Variants in MAML2 observed in about 807,000 individuals in gnomAD.
MAML2 encodes the protein mastermind-like protein 2.
In MAML2, 22 loss-of-function variants were observed where a neutral mutation model predicts 96.1. The ratio of observed to expected loss-of-function variants is 0.23; its 90% CI spans 0.16 to 0.33. The LOEUF (loss-of-function observed/expected upper bound fraction) is 0.33. MAML2 is among the 10% of genes least tolerant of loss of function. MAML2 has a pLI of 1.00. For synonymous variants in MAML2, 561 were observed against 521.3 expected (o/e 1.08, Z -1.04); for missense variants, 1,367 against 1,392.4 (o/e 0.98, Z 0.29).
chr11:96,135,896 T>A (rs1279381647), intron 1 of MAML2, among the ~76,000 whole-genome samples: 1 of 151,774 alleles, frequency 6.6e-6, no homozygotes, highest in Non-Finnish European at 1.5e-5. Flanking sequence ...TGAAATTAAC[T>A]GTGGACTCCT....
chr11:96,313,510 C>T (rs1191731701), intron 1 of MAML2, among the ~76,000 whole-genome samples: 1 of 152,156 alleles, frequency 6.6e-6, no homozygotes, highest in Non-Finnish European at 1.5e-5. Flanking sequence ...TTATTGTTCC[C>T]CACCTCGCCC....
At chr11:96,124,449 C>G (rs142407273) in intron 1 of MAML2, among the ~76,000 whole-genome samples, 17 of 152,266 alleles carry the variant, frequency 1.1e-4, no homozygotes, top group African/African-American at 4.1e-4. Context: ...TAGTCTGATC[C>G]TGGCTTTACT....
intron 1 of MAML2, among the ~76,000 whole-genome samples, chr11:96,182,238 T>C (rs1217025694): frequency 6.6e-6 from 1 of 152,234 alleles, no homozygotes; most frequent in Non-Finnish European, 1.5e-5. Context: ...GAAAATGTAA[T>C]GTTCTACAAA....
At chr11:96,072,945 C>T (rs1375035140) in intron 2 of MAML2, among the ~76,000 whole-genome samples, 1 of 152,194 alleles carries the variant, frequency 6.6e-6, no homozygotes, top group Non-Finnish European at 1.5e-5. Flanking sequence ...TTTTAGACCT[C>T]AGTCCAAACC....
intron 2 of MAML2, among the ~76,000 whole-genome samples, chr11:96,021,023 CT>C (rs1280448292): frequency 6.6e-6 from 1 of 151,706 alleles, no homozygotes; most frequent in Non-Finnish European, 1.5e-5. Flanking sequence ...CCCTTTTTTT[CT>C]TTTTTCTTTT....
intron 1 of MAML2, among the ~76,000 whole-genome samples, chr11:96,245,582 C>T (rs1039471329): frequency 1.8e-4 from 27 of 152,042 alleles, no homozygotes; most frequent in Admixed American, 7.2e-4. Flanking sequence ...TATATCTTCA[C>T]GTTGAGGTTT....
Position 95,979,428 on chromosome 11 carries a change from A to G in MAML2, c.2991T>C (p.Asn997=). The change falls in exon 5 of 5, where the codon AAT becomes AAC. Residue 997 remains asparagine, a synonymous_variant. Transcript: ENST00000524717. ...TACCTACTGCCTGTTGCAGTGACTG[A>G]TTTGGGGTATAGGCTGCAGGTGTAC... The part of the protein sequence containing the change: ...PTGTPAAYTP[N]QSLQQAVGSQ... 1 of 1,613,584 alleles carries G rather than the reference A, an allele frequency of 6.2e-7. No homozygotes were observed. Among genetic ancestry groups the G allele is most frequent in the Non-Finnish European group, 8.5e-7 (1 of 1,179,744 alleles).
intron 1 of MAML2, among the ~76,000 whole-genome samples, chr11:96,305,471 T>C (rs1863450442): frequency 6.6e-6 from 1 of 152,186 alleles, no homozygotes; most frequent in Non-Finnish European, 1.5e-5. Flanking sequence ...ATCTGGGAAC[T>C]CTTTGTATTT....
intron 1 of MAML2, among the ~76,000 whole-genome samples, chr11:96,249,956 T>G (rs996044556): frequency 2.0e-5 from 3 of 152,188 alleles, no homozygotes; most frequent in Non-Finnish European, 4.4e-5. Flanking sequence ...CTCTCAGAAC[T>G]CATCTCCCAT....
At chr11:95,983,671 A>G (rs1015685066) in intron 4 of MAML2, among the ~76,000 whole-genome samples, 3 of 152,184 alleles carry the variant, frequency 2.0e-5, no homozygotes, top group Non-Finnish European at 4.4e-5. Context: ...TGTACCCCAT[A>G]TATATGAACA....
At chr11:96,010,304 A>G (rs1436099377) in intron 2 of MAML2, among the ~76,000 whole-genome samples, 1 of 152,206 alleles carries the variant, frequency 6.6e-6, no homozygotes, top group Admixed American at 6.5e-5. Flanking sequence ...CTATTTAGAG[A>G]TTTATATAAA....
chr11:96,139,134 A>G (rs558137167), intron 1 of MAML2, among the ~76,000 whole-genome samples: 1 of 152,322 alleles, frequency 6.6e-6, no homozygotes, highest in East Asian at 1.9e-4. Flanking sequence ...AAACCAAATC[A>G]GCTTTCCTAA....
At chr11:96,034,249 A>G (rs1456987473) in intron 2 of MAML2, among the ~76,000 whole-genome samples, 1 of 152,216 alleles carries the variant, frequency 6.6e-6, no homozygotes, top group Non-Finnish European at 1.5e-5. Context: ...ATATATAATA[A>G]CATAATGATC....
chr11:96,225,001 G>A (rs543734529), intron 1 of MAML2, among the ~76,000 whole-genome samples: 4 of 152,220 alleles, frequency 2.6e-5, no homozygotes, highest in Non-Finnish European at 4.4e-5. Context: ...GTGATACATT[G>A]CACTACTTTA....
intron 1 of MAML2, among the ~76,000 whole-genome samples, chr11:96,310,690 G>A (rs1313988345): frequency 6.6e-6 from 1 of 152,158 alleles, no homozygotes; most frequent in Non-Finnish European, 1.5e-5. Flanking sequence ...GAGTCTGCTG[G>A]TTTGACTCTT....
chr11:96,265,446 C>T (rs1006732007), intron 1 of MAML2, among the ~76,000 whole-genome samples: 11 of 149,812 alleles, frequency 7.3e-5, no homozygotes, highest in African/African-American at 2.8e-4. Context: ...TGGTGAAAGA[C>T]AGCTCAGCAG....
At chr11:96,077,641 T>C (rs1420923446) in intron 2 of MAML2, among the ~76,000 whole-genome samples, 2 of 152,218 alleles carry the variant, frequency 1.3e-5, no homozygotes, top group Non-Finnish European at 2.9e-5. Context: ...CTACTGCTTT[T>C]TCAGAAGCAA....
At chr11:96,243,123 A>ATT (rs1405547294) in intron 1 of MAML2, among the ~76,000 whole-genome samples, 1 of 129,382 alleles carries the variant, frequency 7.7e-6, no homozygotes, top group Non-Finnish European at 1.8e-5. Context: ...CAAAAGTTAC[A>ATT]TTCTCTCTTA....
intron 1 of MAML2, among the ~76,000 whole-genome samples, chr11:96,228,617 T>A (rs1438677592): frequency 6.6e-6 from 1 of 152,184 alleles, no homozygotes; most frequent in African/African-American, 2.4e-5. Flanking sequence ...AGAACAAACA[T>A]TTAGTCACTG....
Sources: allele counts gnomAD v4.1 joint callset (sites outside exome capture counted in the v4.1 genomes callset), GRCh38; gene constraint gnomAD v4.1.1; transcripts MANE v1.5; gene names NCBI Gene and HGNC (gene_info 2026-07-23, HGNC 2026-07-21).